Variants in ZNF407 observed in about 807,000 individuals in gnomAD.
The protein encoded by ZNF407 is zinc finger protein 407.
ZNF407 carries 17 observed loss-of-function variants against 131.2 expected under a neutral mutation model. The ratio of observed to expected loss-of-function variants is 0.13; its 90% CI spans 0.09 to 0.19. ZNF407 has a LOEUF of 0.19. ZNF407 is among the 10% of genes least tolerant of loss of function. The pLI, the probability that ZNF407 is intolerant of heterozygous loss-of-function variation, is 1.00. For missense variants in ZNF407, 2,681 were observed against 2,830.6 expected, an observed-to-expected ratio of 0.95 and a Z score of 1.20; for synonymous variants, 1,156 against 1,062.0, an observed-to-expected ratio of 1.09 and a Z score of -1.72.
intron 3 of ZNF407, among the ~76,000 whole-genome samples, chr18:74,719,162 C>T (rs576072045): frequency 1.6e-5 from 1 of 60,904 alleles, no homozygotes; most frequent in African/African-American, 4.6e-5. Flanking sequence ...TCATCTCAGA[C>T]ATTTATCATT....
In ZNF407 at chr18:74,723,929, C is replaced by A. The variant is rs370823656; in HGVS notation, c.4803-57499C>A. ...ATTTGGTCCAGACTTTTTAGCTCTT[C>A]TGGTGTGGGGCGGGGTGGGGGGGGT... On this transcript the variant is annotated intron_variant, in intron 3 of 8. Transcript: ENST00000299687. 5.4e-3 allele frequency among the ~76,000 whole-genome samples: 530 copies of A among 97,364 alleles called. 2 individuals carry two copies. Among genetic ancestry groups the A allele is most frequent in the African/African-American group, 0.02 (483 of 24,428 alleles). The allele number at this position is 97,364 out of a possible 152,430, so 63.9% of individuals were successfully genotyped here.
chr18:74,736,241 A>G (rs1260504168), intron 3 of ZNF407, among the ~76,000 whole-genome samples: 1 of 152,090 alleles, frequency 6.6e-6, no homozygotes, highest in Non-Finnish European at 1.5e-5. Context: ...ACTCAATTAT[A>G]TTGTGGGTGG....
chr18:75,048,557 C>T lies in ZNF407; in HGVS notation c.5429-14593C>T, dbSNP rs531927910. On this transcript the variant is annotated intron_variant, in intron 8 of 8. Transcript: ENST00000299687. This position sits in a 1 kb window ranked among gnomAD's most constrained non-coding sequence, Gnocchi z 4.1. ...CCAACCCAGCCTAGCCTTCCCCTGG[C>T]CTGAAGCATGTTGCCAGTAATAACT... is the stretch of plus-strand genomic sequence containing the variant. Among the ~76,000 whole-genome samples the T allele has an allele frequency of 6.6e-6, 1 of 152,216 alleles. No individual in the cohort carries two copies. Among genetic ancestry groups the T allele is most frequent in the Admixed American group, 6.5e-5 (1 of 15,294 alleles).
At chr18:74,782,564 T>G (rs1969624833) in intron 4 of ZNF407, among the ~76,000 whole-genome samples, 1 of 151,516 alleles carries the variant, frequency 6.6e-6, no homozygotes, top group African/African-American at 2.4e-5. Flanking sequence ...CCTCCTCTTC[T>G]CTTCTCTTCT....
intron 1 of ZNF407, among the ~76,000 whole-genome samples, chr18:74,626,106 G>A (rs1983774277): frequency 6.6e-6 from 1 of 152,142 alleles, no homozygotes; most frequent in Non-Finnish European, 1.5e-5. Context: ...ACAGCCAAAA[G>A]ACTAACAAAG....
chr18:74,649,367 T>C (rs1985122772), intron 3 of ZNF407, among the ~76,000 whole-genome samples: 2 of 152,224 alleles, frequency 1.3e-5, no homozygotes, highest in Non-Finnish European at 2.9e-5. Flanking sequence ...GAAGTGCTGC[T>C]GTAAGTGAAA....
chr18:74,855,666 T>G (rs889748964), intron 4 of ZNF407, among the ~76,000 whole-genome samples: 2 of 152,232 alleles, frequency 1.3e-5, no homozygotes, highest in African/African-American at 4.8e-5. Flanking sequence ...ACCATAAGAT[T>G]TCTCAAAAGT....
At chr18:74,661,380 TTA>T (rs141086882) in intron 3 of ZNF407, among the ~76,000 whole-genome samples, 27 of 147,028 alleles carry the variant, frequency 1.8e-4, no homozygotes, top group African/African-American at 4.4e-4. Context: ...AATAAAATAA[TTA>T]TATATATATA....
rs76073550 is a variant in ZNF407, at chr18:74,631,611, T to G, written c.592T>G (p.Cys198Gly). The change falls in exon 2 of 9, where the codon TGC (cysteine) becomes GGC (glycine). Residue 198 changes from cysteine (C) to glycine (G), a missense_variant. Transcript: ENST00000299687. ...CSICGHLFSS[C>G]SDLEKHAESH... Reference sequence around the variant, plus strand: ...CATCTGTGGGCATTTGTTTTCTTCTTGCTCTGACTTGGAAAAACATGCTGA... The same window carrying G: ...CATCTGTGGGCATTTGTTTTCTTCTGGCTCTGACTTGGAAAAACATGCTGA... The G allele has an allele frequency of 3.4e-4, 545 of 1,613,900 alleles. No homozygotes were observed. Among genetic ancestry groups the G allele is most frequent in the Non-Finnish European group, 4.5e-4 (532 of 1,179,894 alleles).
intron 4 of ZNF407, among the ~76,000 whole-genome samples, chr18:74,845,928 C>T (rs1970696622): frequency 6.6e-6 from 1 of 152,294 alleles, no homozygotes; most frequent in African/African-American, 2.4e-5. Context: ...ATCCCTCACA[C>T]TTTGAAATGA....
At chr18:74,609,818 T>G (rs901693739) in intron 1 of ZNF407, among the ~76,000 whole-genome samples, 2 of 152,170 alleles carry the variant, frequency 1.3e-5, no homozygotes, top group Non-Finnish European at 2.9e-5. Flanking sequence ...CAAAACATCA[T>G]TAGGTAGTGC....
chr18:74,635,047 TTGA>T lies in ZNF407; in HGVS notation c.4033_4035del (p.Asp1345del). 6.2e-7 allele frequency: 1 copy of T among 1,613,928 alleles called. No homozygotes were observed. The highest frequency in any genetic ancestry group is 8.5e-7 in the Non-Finnish European group (1 of 1,179,890). ...GATGTCTATGAAACTATAATTAGTA[TTGA>T]TGATAAAGGGCAGGCCATGTACAGT... On this transcript the variant is annotated inframe_deletion, in exon 2 of 9. Transcript: ENST00000299687. This position sits in a 1 kb window ranked among gnomAD's most constrained non-coding sequence, Gnocchi z 4.7.
At chr18:74,693,996 T>A (rs1967291940) in intron 3 of ZNF407, among the ~76,000 whole-genome samples, 1 of 152,320 alleles carries the variant, frequency 6.6e-6, no homozygotes, top group South Asian at 2.1e-4. Flanking sequence ...TCCATCATGG[T>A]ATAATCTCTA....
chr18:74,646,943 G>A (rs949318543), intron 3 of ZNF407, among the ~76,000 whole-genome samples: 9 of 152,214 alleles, frequency 5.9e-5, no homozygotes, highest in African/African-American at 1.7e-4. Context: ...GGGTGGGGTC[G>A]TAGATGTATT....
intron 4 of ZNF407, among the ~76,000 whole-genome samples, chr18:74,793,348 A>T (rs986469994): frequency 4.6e-5 from 7 of 152,240 alleles, no homozygotes; most frequent in African/African-American, 1.7e-4. Flanking sequence ...TGTTAAATTC[A>T]CAAGTGTTTA....
intron 4 of ZNF407, among the ~76,000 whole-genome samples, chr18:74,792,598 G>A (rs1460537347): frequency 2.6e-5 from 4 of 151,396 alleles, no homozygotes; most frequent in African/African-American, 4.9e-5. Context: ...AATTAATGGC[G>A]TGACCCCAAT....
intron 8 of ZNF407, among the ~76,000 whole-genome samples, chr18:74,988,159 A>T (rs4891214): frequency 6.6e-6 from 1 of 152,158 alleles, no homozygotes; most frequent in Non-Finnish European, 1.5e-5. Context: ...GATGCCAAGG[A>T]GGAAGGAATG....
Position 75,064,547 on chromosome 18 carries a change from C to T in ZNF407, c.*79C>T. The T allele has an allele frequency of 7.9e-7, 1 of 1,261,972 alleles. No individual in the cohort carries two copies. The allele number at this position is 1,261,972 out of a possible 1,614,324, so 78.2% of individuals were successfully genotyped here. A position where few individuals can be genotyped will look rare whatever the true frequency, so the allele number is the denominator to read the frequency against. On this transcript the variant is annotated 3_prime_UTR_variant, in exon 9 of 9. Transcript: ENST00000299687. ...GTGGGGGACCGTGTTCCCTGAGCTT[C>T]ATCTGAAACCTTCAAAACCATGAGG...
chr18:74,852,203 GCA>G (rs1263864896), intron 4 of ZNF407, among the ~76,000 whole-genome samples: 9 of 147,918 alleles, frequency 6.1e-5, no homozygotes, highest in Non-Finnish European at 9.0e-5. Flanking sequence ...ACACACGCAC[GCA>G]CGCACGCGCA....
Sources: allele counts gnomAD v4.1 joint callset (sites outside exome capture counted in the v4.1 genomes callset), GRCh38; gene constraint gnomAD v4.1.1; non-coding constraint Gnocchi (gnomAD v3.1); transcripts MANE v1.5; gene names NCBI Gene and HGNC (gene_info 2026-07-23, HGNC 2026-07-21).